Variants in ANKFN1 observed in about 807,000 individuals in gnomAD.
ANKFN1 encodes the protein ankyrin repeat and fibronectin type III domain containing 1, also known as ankyrin repeat and fibronectin type-III domain-containing protein 1.
A neutral mutation model predicts 108.7 loss-of-function variants in ANKFN1; 74 were observed. That is an observed-to-expected ratio of 0.68 (90% CI 0.56 to 0.83). The LOEUF is 0.83. Among genes scored for constraint, ANKFN1 ranks in the 40% least tolerant of loss-of-function variants. The pLI, the probability that ANKFN1 is intolerant of heterozygous loss-of-function variation, is 0.00. For missense variants in ANKFN1, 1,505 were observed against 1,382.3 expected (o/e 1.09, Z -1.41); for synonymous variants, 547 against 516.2 (o/e 1.06, Z -0.81).
In ANKFN1 at chr17:56,468,426, G is replaced by GT. The variant is rs201930337; in HGVS notation, c.1773+1865dup. On this transcript the variant is annotated intron_variant, in intron 15 of 20. Coordinates refer to ENST00000682825, the MANE Select transcript of ANKFN1 (RefSeq NM_001370326.1). ...AAACTGTTTCTTTTTTTCTTTCTCTGTTTTTTTTTTAATCCAGTGATAGGG... is the reference window on the plus strand; with the variant it reads ...AAACTGTTTCTTTTTTTCTTTCTCTGTTTTTTTTTTTAATCCAGTGATAGGG... Among the ~76,000 whole-genome samples, 1,037 of 147,818 alleles carry GT rather than the reference G, an allele frequency of 7.0e-3. 11 individuals carry two copies. The highest frequency in any genetic ancestry group is 0.022 in the African/African-American group (897 of 40,364).
intron 15 of ANKFN1, among the ~76,000 whole-genome samples, chr17:56,474,739 T>A (rs527303950): frequency 5.9e-5 from 9 of 152,146 alleles, no homozygotes; most frequent in Non-Finnish European, 1.2e-4. Flanking sequence ...TCATTAACAA[T>A]TTCTCTTCCT....
intron 8 of ANKFN1, among the ~76,000 whole-genome samples, 171 bp downstream of exon 8, chr17:56,374,885 AGTGACT>A (rs2046904111): frequency 6.6e-6 from 1 of 152,236 alleles, no homozygotes; most frequent in Non-Finnish European, 1.5e-5. Flanking sequence ...GGAACAATCA[AGTGACT>A]GAGAATGTCA....
chr17:56,134,806 G>C (rs1907501250), intron 4 of ANKFN1, among the ~76,000 whole-genome samples: 1 of 152,172 alleles, frequency 6.6e-6, no homozygotes, highest in Non-Finnish European at 1.5e-5. Flanking sequence ...AAATACCCTA[G>C]TGCAAAGAAA....
At chr17:56,289,410 G>T (rs1247359081) in intron 3 of ANKFN1, among the ~76,000 whole-genome samples, 1 of 152,064 alleles carries the variant, frequency 6.6e-6, no homozygotes, top group Non-Finnish European at 1.5e-5. Context: ...CAGCAGATTC[G>T]CTCATAAGAA....
intron 4 of ANKFN1, among the ~76,000 whole-genome samples, chr17:56,062,526 C>T (rs1327364142): frequency 6.9e-6 from 1 of 145,170 alleles, no homozygotes; most frequent in African/African-American, 2.6e-5. Context: ...GGTTCAAAGT[C>T]TTTTTTGTCA....
In ANKFN1 at chr17:56,448,960, G is replaced by A. The variant is rs1330302679; in HGVS notation, c.1100-119G>A. Reference sequence around the variant, plus strand: ...ATCGCCTGCTTGCTCTGCATGTGCGGGGTGCTCATCCGCAGAGACTGTGGG... The same window carrying A: ...ATCGCCTGCTTGCTCTGCATGTGCGAGGTGCTCATCCGCAGAGACTGTGGG... On this transcript the variant is annotated intron_variant, in intron 10 of 20. Coordinates refer to ENST00000682825, the MANE Select transcript of ANKFN1 (RefSeq NM_001370326.1). The A allele has an allele frequency of 4.2e-6, 3 of 709,514 alleles. No homozygotes were observed. In the Admixed American group the frequency reaches 7.3e-5, roughly 17 times the overall value. The allele number at this position is 709,514 out of a possible 1,614,324, so 44.0% of individuals were successfully genotyped here. A position where few individuals can be genotyped will look rare whatever the true frequency, so the allele number is the denominator to read the frequency against.
Position 56,511,156 on chromosome 17 carries a change from T to C in ANKFN1, c.3328T>C (p.Leu1110=), listed in dbSNP as rs1187405699. The change falls in exon 21 of 21, where the codon TTG becomes CTG. Residue 1110 remains leucine, a synonymous_variant. Transcript: ENST00000682825. ...VAQDEKPWAS[L]SPPSGGRITL... The stretch of plus-strand genomic sequence containing the variant: ...CCAGGACGAAAAACCATGGGCAAGC[T>C]TGAGCCCGCCCTCTGGAGGCCGCAT... The C allele has an allele frequency of 6.5e-7, 1 of 1,535,940 alleles. No homozygotes were observed. The highest frequency in any genetic ancestry group is 8.7e-7 in the Non-Finnish European group (1 of 1,146,870).
intron 17 of ANKFN1, among the ~76,000 whole-genome samples, chr17:56,481,155 A>G (rs564282439): frequency 6.6e-6 from 1 of 152,184 alleles, no homozygotes; most frequent in South Asian, 2.1e-4. Flanking sequence ...TCAAGATAGC[A>G]TAAAGCAAAG....
intron 8 of ANKFN1, among the ~76,000 whole-genome samples, chr17:56,397,371 A>T (rs2047618576): frequency 6.6e-6 from 1 of 152,212 alleles, no homozygotes; most frequent in African/African-American, 2.4e-5. Flanking sequence ...AATAGAAATA[A>T]TTCATCAAGG....
intron 1 of ANKFN1, among the ~76,000 whole-genome samples, chr17:56,199,905 C>T (rs962535318): frequency 6.6e-6 from 1 of 152,138 alleles, no homozygotes; most frequent in Non-Finnish European, 1.5e-5. Flanking sequence ...GTTCCAGTTC[C>T]TAAGCCAAGT....
At chr17:56,376,452 T>C (rs2046951000) in intron 8 of ANKFN1, among the ~76,000 whole-genome samples, 1 of 152,182 alleles carries the variant, frequency 6.6e-6, no homozygotes, top group South Asian at 2.1e-4. Context: ...TTCTTGGTTG[T>C]CTCATCTGCC....
intron 2 of ANKFN1, among the ~76,000 whole-genome samples, chr17:56,221,476 C>A (rs7223683): frequency 0.12 from 18,963 of 151,926 alleles, 1,595 homozygotes; most frequent in African/African-American, 0.23. Context: ...TCAAACAGAG[C>A]CTTATACGAT....
At chr17:56,484,183 G>C (rs965592448) in intron 18 of ANKFN1, among the ~76,000 whole-genome samples, 9 of 152,156 alleles carry the variant, frequency 5.9e-5, no homozygotes, top group Admixed American at 5.9e-4. Context: ...AGTTTGGCTA[G>C]ATCAGAGAAA....
chr17:56,471,625 A>G (rs1294998073), intron 15 of ANKFN1: 1 of 152,246 alleles, frequency 6.6e-6, no homozygotes, highest in Non-Finnish European at 1.5e-5. Flanking sequence ...ATAGCCAAAC[A>G]GTAGAAGTAA....
At position 56,477,614 on chromosome 17, in the gene ANKFN1, C is replaced by T. The variant is rs2145350882; in HGVS notation, c.1900C>T (p.Leu634Phe). 6.2e-7 allele frequency: 1 copy of T among 1,613,824 alleles called. No homozygotes were observed. Among genetic ancestry groups the T allele is most frequent in the South Asian group, 1.1e-5 (1 of 91,048 alleles). ...TGTTACCCAAAAGTTGCCCAACATTCTCTGCCACGTGAAGATCCGTGAAAA... is the reference window on the plus strand; with the variant it reads ...TGTTACCCAAAAGTTGCCCAACATTTTCTGCCACGTGAAGATCCGTGAAAA... ...VLVTQKLPNI[L>F]CHVKIRENNN... The change falls in exon 16 of 21, where the codon CTC (leucine) becomes TTC (phenylalanine). Residue 634 changes from leucine to phenylalanine, a missense_variant. Transcript: ENST00000682825.
At chr17:56,278,304 C>A (rs1410299192) in intron 3 of ANKFN1, among the ~76,000 whole-genome samples, 1 of 152,146 alleles carries the variant, frequency 6.6e-6, no homozygotes, top group Non-Finnish European at 1.5e-5. Flanking sequence ...TGCCACACAC[C>A]CTCCCTCAGT....
At chr17:56,388,889 C>G (rs1209359023) in intron 8 of ANKFN1, among the ~76,000 whole-genome samples, 1 of 151,626 alleles carries the variant, frequency 6.6e-6, no homozygotes, top group Non-Finnish European at 1.5e-5. Context: ...AGTAACAAAG[C>G]GTTTTAATAT....
chr17:56,370,431 A>C lies in ANKFN1; in HGVS notation c.602-2215A>C, dbSNP rs540741935. Among the ~76,000 whole-genome samples the C allele has an allele frequency of 3.3e-5, 5 of 152,364 alleles. 1 individual carries two copies. In the South Asian group the frequency reaches 1.0e-3, roughly 32 times the overall value. ...CACCAGTAATAACTGTTGTGGATAT[A>C]AAAATTAATAGTGGGGATTTCATAG... On this transcript the variant is annotated intron_variant, in intron 6 of 20. Transcript: ENST00000682825.
At chr17:56,270,146 A>C (rs1446755376) in intron 3 of ANKFN1, among the ~76,000 whole-genome samples, 1 of 152,204 alleles carries the variant, frequency 6.6e-6, no homozygotes, top group Non-Finnish European at 1.5e-5. Context: ...GTAACAAAGC[A>C]GGGCACTTAA....
Sources: gnomAD v4.1 joint callset for allele counts (sites outside exome capture counted in the v4.1 genomes callset) on GRCh38, gnomAD v4.1.1 for gene constraint, MANE v1.5 for transcripts, NCBI Gene and HGNC (gene_info 2026-07-23, HGNC 2026-07-21) for gene names.